CFAP77: variants seen among roughly 807,000 people sequenced by gnomAD.
The protein encoded by CFAP77 is cilia and flagella associated protein 77.
In CFAP77, 25 loss-of-function variants were observed where a neutral mutation model predicts 31.1. The ratio of observed to expected loss-of-function variants is 0.80; its 90% CI spans 0.59 to 1.12. CFAP77 has a LOEUF of 1.12. CFAP77 is among the 50% of genes most tolerant of loss of function. The pLI is 0.00. For missense variants in CFAP77, 377 were observed against 397.3 expected (o/e 0.95, Z 0.44); for synonymous variants, 151 against 159.9 (o/e 0.94, Z 0.42).
chr9:132,415,821 G>A (rs966398433), intron 1 of CFAP77, among the ~76,000 whole-genome samples: 1 of 152,216 alleles, frequency 6.6e-6, no homozygotes, highest in African/African-American at 2.4e-5. Flanking sequence ...TTTGCAAACT[G>A]TTCTGTGGTC....
intron 4 of CFAP77, 112 bp from the exon 5 acceptor site, chr9:132,542,834 C>A: frequency 1.3e-6 from 1 of 780,308 alleles, no homozygotes; most frequent in Non-Finnish European, 2.2e-6. Flanking sequence ...GGAAAGTGAC[C>A]GAGGATCTTG....
intron 1 of CFAP77, among the ~76,000 whole-genome samples, chr9:132,464,269 C>A (rs998981632): frequency 6.6e-6 from 1 of 152,156 alleles, no homozygotes; most frequent in African/African-American, 2.4e-5. Flanking sequence ...AGGGCTCGGT[C>A]TCTGCCGCCT....
rs1285244930 is a variant in CFAP77, at chr9:132,501,708, A to G, written c.524+2108A>G. ...GTGAGCCACTGCGCCCGGTTACATG[A>G]CTATCTTCTACTCAGCCACTGTGGT... On this transcript the variant is annotated intron_variant, in intron 3 of 5. Transcript: ENST00000393216. The surrounding 1 kb of genome is among the most constrained non-coding windows in gnomAD (Gnocchi z 4.6). Among the ~76,000 whole-genome samples, 1 of 152,098 alleles carries G rather than the reference A, an allele frequency of 6.6e-6. No individual in the cohort carries two copies. The highest frequency in any genetic ancestry group is 1.5e-5 in the Non-Finnish European group (1 of 68,006).
At chr9:132,549,555 T>C (rs1852791869) in intron 5 of CFAP77, among the ~76,000 whole-genome samples, 1 of 152,136 alleles carries the variant, frequency 6.6e-6, no homozygotes, top group Admixed American at 6.5e-5. Context: ...AGCAGGAGCT[T>C]GGCCGGGCAC....
chr9:132,432,243 G>A (rs1850422973), intron 1 of CFAP77, among the ~76,000 whole-genome samples: 1 of 152,166 alleles, frequency 6.6e-6, no homozygotes, highest in Non-Finnish European at 1.5e-5. Context: ...TGGATCTGGG[G>A]GAGGGCAAAA....
chr9:132,490,426 C>G lies in CFAP77; in HGVS notation c.196-8269C>G, dbSNP rs571544563. Among the ~76,000 whole-genome samples, 1 of 152,288 alleles carries G rather than the reference C, an allele frequency of 6.6e-6. No homozygotes were observed. Among genetic ancestry groups the G allele is most frequent in the Admixed American group, 6.5e-5 (1 of 15,300 alleles). On this transcript the variant is annotated intron_variant, in intron 1 of 5. Transcript: ENST00000393216. This position sits in a 1 kb window ranked among gnomAD's most constrained non-coding sequence, Gnocchi z 4.6. ...GTGTCTGAAAGTTCGGGGTCAGGAG[C>G]TCGTTTGAGTGCCTCTCCCTGTAGG...
intron 1 of CFAP77, among the ~76,000 whole-genome samples, chr9:132,416,234 G>C (rs1032500898): frequency 6.6e-6 from 1 of 151,888 alleles, no homozygotes; most frequent in Non-Finnish European, 1.5e-5. Context: ...ACAAAAACAA[G>C]GGAGGCACAC....
In CFAP77 at chr9:132,462,764, C is replaced by T. The variant is rs182072182; in HGVS notation, c.196-35931C>T. ...CTGGGAGGCAGAGGTTGCAGTGAGCCGAGGTCGTGCCACCGCACTCCAGCT... is the reference window on the plus strand; with the variant it reads ...CTGGGAGGCAGAGGTTGCAGTGAGCTGAGGTCGTGCCACCGCACTCCAGCT... On this transcript the variant is annotated intron_variant, in intron 1 of 5. Coordinates refer to ENST00000393216, the MANE Select transcript of CFAP77 (RefSeq NM_001282957.2). Among the ~76,000 whole-genome samples, 13 of 151,990 alleles carry T rather than the reference C, an allele frequency of 8.6e-5. No homozygotes were observed. In the East Asian group the frequency reaches 1.5e-3, roughly 18 times the overall value.
chr9:132,530,509 A>G (rs982653606), intron 3 of CFAP77, among the ~76,000 whole-genome samples: 10 of 152,122 alleles, frequency 6.6e-5, no homozygotes, highest in African/African-American at 2.4e-4. Context: ...TCCTGACCTC[A>G]GGTGATCTGC....
chr9:132,457,084 T>C (rs1850930662), intron 1 of CFAP77, among the ~76,000 whole-genome samples: 1 of 152,108 alleles, frequency 6.6e-6, no homozygotes, highest in Non-Finnish European at 1.5e-5. Flanking sequence ...GGACAGCAAC[T>C]CAGGGCAATC....
chr9:132,555,777 GTTGTC>G (rs1852894523), intron 5 of CFAP77, among the ~76,000 whole-genome samples: 1 of 152,160 alleles, frequency 6.6e-6, no homozygotes, highest in South Asian at 2.1e-4. Context: ...TCCTGCATGT[GTTGTC>G]TTGTCAGAGA....
chr9:132,410,452 C>T lies in CFAP77; in HGVS notation c.181C>T (p.Pro61Ser), dbSNP rs930230672. ...GVVRDSMFQN[P>S]LIVKAELGKP... ...CGTGCGGGACTCCATGTTTCAGAACCCTCTCATCGTCAAGGTGAGCACCCC... is the reference window on the plus strand; with the variant it reads ...CGTGCGGGACTCCATGTTTCAGAACTCTCTCATCGTCAAGGTGAGCACCCC... The change falls in exon 1 of 6, where the codon CCT (proline) becomes TCT (serine). Residue 61 changes from proline (P) to serine (S), a missense_variant. Pro to Ser is a moderately conservative substitution (Grantham distance 74, BLOSUM62 -1). Transcript: ENST00000393216. 1.3e-6 allele frequency: 2 copies of T among 1,585,502 alleles called. No individual in the cohort carries two copies. The highest frequency in any genetic ancestry group is 8.6e-7 in the Non-Finnish European group (1 of 1,168,600).
At chr9:132,444,677 G>A (rs1227586354) in intron 1 of CFAP77, among the ~76,000 whole-genome samples, 1 of 152,086 alleles carries the variant, frequency 6.6e-6, no homozygotes, top group East Asian at 1.9e-4. Flanking sequence ...ATCATTTGTC[G>A]CTACTGGTAA....
chr9:132,522,432 ATAAT>A (rs1485965211), intron 3 of CFAP77, among the ~76,000 whole-genome samples: 8 of 152,156 alleles, frequency 5.3e-5, no homozygotes, highest in African/African-American at 1.9e-4. Context: ...GTGAGGATAA[ATAAT>A]TAAGATCCTC....
intron 3 of CFAP77, among the ~76,000 whole-genome samples, chr9:132,533,429 C>T (rs1053530640): frequency 6.6e-6 from 1 of 150,684 alleles, no homozygotes; most frequent in African/African-American, 2.5e-5. Flanking sequence ...AAGCATGAAA[C>T]AGGAGTCAGC....
At chr9:132,434,206 A>C (rs1056816664) in intron 1 of CFAP77, among the ~76,000 whole-genome samples, 2 of 152,118 alleles carry the variant, frequency 1.3e-5, no homozygotes, top group African/African-American at 4.8e-5. Flanking sequence ...TCTCCTCTGG[A>C]AGTCTTTCCA....
chr9:132,514,384 G>A (rs867295578), intron 3 of CFAP77, among the ~76,000 whole-genome samples: 2 of 147,774 alleles, frequency 1.4e-5, no homozygotes, highest in Non-Finnish European at 3.0e-5. Flanking sequence ...GAGGCTGTCC[G>A]CTGAGTTACA....
At chr9:132,438,199 C>CAAA (rs954482789) in intron 1 of CFAP77, among the ~76,000 whole-genome samples, 188 of 46,534 alleles carry the variant, frequency 4.0e-3, no homozygotes, top group Middle Eastern at 0.011. Flanking sequence ...GAGACGCCAT[C>CAAA]AAAAAAAAAA....
chr9:132,507,772 GGGCGAGACCAC>G (rs1373957535), intron 3 of CFAP77, among the ~76,000 whole-genome samples: 1 of 152,184 alleles, frequency 6.6e-6, no homozygotes, highest in Non-Finnish European at 1.5e-5. Flanking sequence ...AGTTTCTGAA[GGGCGAGACCAC>G]GTCTGCATTT....
Sources: allele counts gnomAD v4.1 joint callset (sites outside exome capture counted in the v4.1 genomes callset), GRCh38; gene constraint gnomAD v4.1.1; non-coding constraint Gnocchi (gnomAD v3.1); transcripts MANE v1.5; gene names NCBI Gene and HGNC (gene_info 2026-07-23, HGNC 2026-07-21).